Variants in HERC2 observed in about 807,000 individuals in gnomAD.
The protein encoded by HERC2 is E3 ubiquitin-protein ligase HERC2.
In HERC2, 102 loss-of-function variants were observed where a neutral mutation model predicts 537.7. The ratio of observed to expected loss-of-function variants is 0.19; its 90% CI spans 0.16 to 0.22. The LOEUF (loss-of-function observed/expected upper bound fraction) is 0.22. Among genes scored for constraint, HERC2 ranks in the 10% least tolerant of loss-of-function variants. HERC2 has a pLI of 1.00. For synonymous variants in HERC2, 2,224 were observed against 2,466.2 expected (o/e 0.90, Z 2.91); for missense variants, 4,236 against 6,198.2 (o/e 0.68, Z 10.63).
rs922758986 is a variant in HERC2, at chr15:28,186,730, G to A, written c.8672C>T (p.Ala2891Val). Residue 2891 changes from alanine (A) to valine (V), a missense_variant, in exon 56 of 93, where the codon GCT (alanine) becomes GTT (valine). By Grantham distance (64) the Ala-to-Val change is moderately conservative (BLOSUM62 0). Transcript: ENST00000261609. ...CTEYHRYIEI[A>V]IKQCRSSGID... The stretch of plus-strand genomic sequence containing the variant: ...TCCTGAGCTCCTGCACTGCTTTATA[G>A]CAATTTCAATATACCTGTGATACTA... 1.9e-6 allele frequency: 3 copies of A among 1,613,394 alleles called. No individual in the cohort carries two copies. Among genetic ancestry groups the A allele is most frequent in the Admixed American group, 1.7e-5 (1 of 59,986 alleles).
intron 1 of HERC2, among the ~76,000 whole-genome samples, 160 bp downstream of exon 1, chr15:28,321,915 A>G (rs1317084455): frequency 7.0e-6 from 1 of 142,088 alleles, no homozygotes; most frequent in Non-Finnish European, 1.5e-5. Context: ...AGCCACCACC[A>G]CTTAAGAGAT....
At chr15:28,168,231 A>G (rs922466712) in intron 67 of HERC2, among the ~76,000 whole-genome samples, 176 bp downstream of exon 67, 12 of 152,230 alleles carry the variant, frequency 7.9e-5, no homozygotes, top group Non-Finnish European at 1.8e-4. Flanking sequence ...AAGAAAGCCA[A>G]TTCCACTTAA....
intron 72 of HERC2, 103 bp downstream of exon 72, chr15:28,144,570 C>A: frequency 6.7e-7 from 1 of 1,494,840 alleles, no homozygotes; most frequent in Non-Finnish European, 9.2e-7. Context: ...CAGCAGAAGG[C>A]AGGCTGTCAG....
intron 92 of HERC2, 150 bp from the exon 93 acceptor site, chr15:28,112,185 G>A (rs1001831946): frequency 3.4e-5 from 24 of 706,348 alleles, no homozygotes; most frequent in Middle Eastern, 3.9e-4. Flanking sequence ...TAGGAGTAAC[G>A]AGGAGCAATT....
At chr15:28,167,921 C>T in intron 67 of HERC2, 94 bp from the exon 68 acceptor site, 1 of 1,330,882 alleles carries the variant, frequency 7.5e-7, no homozygotes, top group Non-Finnish European at 1.0e-6. Flanking sequence ...TTACCTAAAA[C>T]TACTTGGGCT....
chr15:28,197,704 T>C (rs1897482640), intron 50 of HERC2, among the ~76,000 whole-genome samples: 1 of 152,118 alleles, frequency 6.6e-6, no homozygotes, highest in Non-Finnish European at 1.5e-5. Flanking sequence ...TGAGTCAAGA[T>C]GGCGCCACTG....
At chr15:28,181,207 G>C (rs960535413) in intron 57 of HERC2, among the ~76,000 whole-genome samples, 1 of 152,122 alleles carries the variant, frequency 6.6e-6, no homozygotes, top group African/African-American at 2.4e-5. Flanking sequence ...CTACTGCAGC[G>C]GAAGAAAGGA....
chr15:28,209,353 AT>A (rs368423503), intron 44 of HERC2, among the ~76,000 whole-genome samples: 1 of 150,678 alleles, frequency 6.6e-6, no homozygotes, highest in Non-Finnish European at 1.5e-5. Context: ...TTATTTATTT[AT>A]TTTTTTTGAG....
chr15:28,303,448 G>A (rs1221473712), intron 2 of HERC2, among the ~76,000 whole-genome samples: 4 of 152,128 alleles, frequency 2.6e-5, no homozygotes, highest in African/African-American at 9.7e-5. Flanking sequence ...AAAAGACCAG[G>A]AAGTGACTGT....
chr15:28,140,713 G>A (rs1053145207), intron 78 of HERC2, among the ~76,000 whole-genome samples: 2 of 151,514 alleles, frequency 1.3e-5, no homozygotes, highest in Non-Finnish European at 2.9e-5. Context: ...GTAGAGACAG[G>A]GTTTTCCTAT....
At chr15:28,142,997 C>T (rs754790662) in intron 74 of HERC2, 45 bp from the exon 75 acceptor site, 11 of 1,592,124 alleles carry the variant, frequency 6.9e-6, no homozygotes, top group Middle Eastern at 1.7e-4. Flanking sequence ...ATCCAGGTGC[C>T]GGGGAGGCTG....
rs758310203 is a variant in HERC2, at chr15:28,125,059, T to C, written c.12937A>G (p.Thr4313Ala). 62 of 1,611,016 alleles carry C rather than the reference T, an allele frequency of 3.8e-5. No individual in the cohort carries two copies. The highest frequency in any genetic ancestry group is 2.3e-5 in the Non-Finnish European group (27 of 1,178,372). ...GGCTTGCTGGTCGACCAGGCGAGGG[T>C]ATGTGCTGAGCCACAGGCCACACGG... ...VNRVACGSAH[T>A]LAWSTSKPAS... Residue 4313 changes from threonine to alanine, a missense_variant, in exon 84 of 93, where the codon ACC (threonine) becomes GCC (alanine). This residue lies in a region of HERC2 where 189 missense variants were observed against 255.7 expected (regional missense o/e 0.74). Coordinates refer to ENST00000261609, the MANE Select transcript of HERC2 (RefSeq NM_004667.6).
rs898436412 is a variant in HERC2 at position 28,219,462 on chromosome 15, G to A, written c.5846-791C>T. The stretch of plus-strand genomic sequence containing the variant: ...AGCATGCTATAGGCTGGATGCTGGC[G>A]GCCAGCACCACATCCGCCCTCAGGG... On this transcript the variant is annotated intron_variant, in intron 37 of 92. Transcript: ENST00000261609. 4.6e-5 allele frequency among the ~76,000 whole-genome samples: 7 copies of A among 152,330 alleles called. 1 individual carries two copies. Among genetic ancestry groups the A allele is most frequent in the East Asian group, 1.9e-4 (1 of 5,178 alleles).
At chr15:28,175,328 C>T (rs1198805315) in intron 64 of HERC2, among the ~76,000 whole-genome samples, 184 bp downstream of exon 64, 1 of 152,094 alleles carries the variant, frequency 6.6e-6, no homozygotes, top group East Asian at 1.9e-4. Flanking sequence ...CCAACCCCTG[C>T]TGCAAAGCAG....
At chr15:28,220,857 G>A (rs1399840421) in intron 36 of HERC2, among the ~76,000 whole-genome samples, 2 of 147,714 alleles carry the variant, frequency 1.4e-5, no homozygotes, top group African/African-American at 5.0e-5. Context: ...CCCTGCCCTG[G>A]TCCTTCCATG....
intron 69 of HERC2, among the ~76,000 whole-genome samples, chr15:28,154,066 C>T (rs1405538943): frequency 2.6e-5 from 4 of 152,176 alleles, no homozygotes; most frequent in Non-Finnish European, 5.9e-5. Context: ...TGATGATTCA[C>T]ATCTTTTACG....
At position 28,245,968 on chromosome 15, in the gene HERC2, G is replaced by A; in HGVS notation, c.3490C>T (p.Leu1164=). The A allele has an allele frequency of 6.2e-7, 1 of 1,614,094 alleles. No individual in the cohort carries two copies. ...EAGAVPLLGG[L]LEHLDRFNHL... is the part of the protein sequence containing the mutation. Reference sequence around the variant, plus strand: ...TTGAACCGATCCAGATGTTCCAACAGGCCACCCAGCAGAGGTACAGCTCCA... The same window carrying A: ...TTGAACCGATCCAGATGTTCCAACAAGCCACCCAGCAGAGGTACAGCTCCA... Residue 1164 remains leucine, a synonymous_variant, in exon 23 of 93, where the codon CTG becomes TTG. Coordinates refer to ENST00000261609, the MANE Select transcript of HERC2 (RefSeq NM_004667.6).
Position 28,238,660 on chromosome 15 carries a change from C to T in HERC2, c.3690G>A (p.Gly1230=). 3 of 1,611,664 alleles carry T rather than the reference C, an allele frequency of 1.9e-6. No homozygotes were observed. The highest frequency in any genetic ancestry group is 2.5e-6 in the Non-Finnish European group (3 of 1,179,568). ...GGAAGTCCTTTATATCATACACCTT[C>T]CCGTCAATCACAGTCCAGAAGCCTC... ...KDGGFWTVID[G]KVYDIKDFQT... The change falls in exon 24 of 93, where the codon GGG becomes GGA. Residue 1230 remains glycine, a synonymous_variant. Transcript: ENST00000261609.
intron 55 of HERC2, among the ~76,000 whole-genome samples, chr15:28,188,554 A>AG (rs961612987): frequency 6.6e-6 from 1 of 151,758 alleles, no homozygotes; most frequent in Non-Finnish European, 1.5e-5. Context: ...AAAAAAAAAA[A>AG]AAAAGAGTAC....
Sources: gnomAD v4.1 joint callset for allele counts (sites outside exome capture counted in the v4.1 genomes callset) on GRCh38, gnomAD v4.1.1 for gene constraint, gnomAD v4.1.1 regional missense constraint, MANE v1.5 for transcripts, NCBI Gene and HGNC (gene_info 2026-07-23, HGNC 2026-07-21) for gene names.